Variants in LIN54 observed in about 807,000 individuals in gnomAD.
LIN54 encodes lin-54 DREAM MuvB core complex component, also known as protein lin-54 homolog.
LIN54 carries 9 observed loss-of-function variants against 78.7 expected under a neutral mutation model. That is an observed-to-expected ratio of 0.11 (90% CI 0.07 to 0.20). The LOEUF (loss-of-function observed/expected upper bound fraction) is 0.20, where lower values mean the gene tolerates loss of function less well. Ranked by LOEUF, LIN54 falls within the 10% of genes least tolerant of loss-of-function variation. LIN54 has a pLI of 1.00. For missense variants in LIN54, 573 were observed against 889.9 expected, an observed-to-expected ratio of 0.64 and a Z score of 4.53; for synonymous variants, 269 against 318.4, an observed-to-expected ratio of 0.84 and a Z score of 1.65.
At chr4:82,964,720 A>G (rs11291918) in intron 4 of LIN54, among the ~76,000 whole-genome samples, 2 of 147,938 alleles carry the variant, frequency 1.4e-5, no homozygotes, top group Non-Finnish European at 3.0e-5. Context: ...TCAAAAAAAA[A>G]GAAAAAAAAG....
intron 1 of LIN54, among the ~76,000 whole-genome samples, chr4:82,998,051 T>C (rs576295593): frequency 4.7e-4 from 64 of 135,900 alleles, no homozygotes; most frequent in African/African-American, 1.4e-3. Context: ...CACACGTATA[T>C]ATATATATAC....
At chr4:82,966,052 C>G (rs1208238513) in intron 4 of LIN54, among the ~76,000 whole-genome samples, 1 of 152,178 alleles carries the variant, frequency 6.6e-6, no homozygotes, top group Non-Finnish European at 1.5e-5. Context: ...ATCATTTACT[C>G]TCTCCCACTG....
chr4:82,964,730 GA>G (rs1232993203), intron 4 of LIN54, among the ~76,000 whole-genome samples: 1 of 151,642 alleles, frequency 6.6e-6, no homozygotes, highest in Non-Finnish European at 1.5e-5. Flanking sequence ...AGAAAAAAAA[GA>G]AAAAAATTTA....
At chr4:83,003,099 C>T (rs1382262052) in intron 1 of LIN54, among the ~76,000 whole-genome samples, 1 of 152,222 alleles carries the variant, frequency 6.6e-6, no homozygotes. Context: ...CTGCAACCTC[C>T]GCCTCCCAAG....
chr4:82,939,485 T>A, intron 7 of LIN54, 54 bp downstream of exon 7: 1 of 1,425,656 alleles, frequency 7.0e-7, no homozygotes, highest in Non-Finnish European at 9.9e-7. Context: ...GCACTAGACA[T>A]CTTGGACCCC....
chr4:82,928,503 G>A (rs1390932461), intron 12 of LIN54, among the ~76,000 whole-genome samples, 200 bp from the exon 13 acceptor site: 1 of 152,154 alleles, frequency 6.6e-6, no homozygotes, highest in Non-Finnish European at 1.5e-5. Context: ...CATATTGTAA[G>A]AATATTGTTC....
chr4:82,968,199 A>C (rs4693064), intron 4 of LIN54, among the ~76,000 whole-genome samples: 66,673 of 152,080 alleles, frequency 0.44, 17,158 homozygotes, highest in Admixed American at 0.59. Context: ...TGTGCCACCA[A>C]GCCCAGCTAA....
intron 1 of LIN54, among the ~76,000 whole-genome samples, chr4:83,009,603 A>C (rs1406423659): frequency 6.6e-6 from 1 of 152,216 alleles, no homozygotes; most frequent in Non-Finnish European, 1.5e-5. Context: ...TAACCTAATA[A>C]AACAGTGGCT....
At chr4:83,000,198 C>G (rs1728636039) in intron 1 of LIN54, among the ~76,000 whole-genome samples, 1 of 152,068 alleles carries the variant, frequency 6.6e-6, no homozygotes. Context: ...CCAGCCCAAA[C>G]AGGCTTTCAA....
chr4:82,994,573 T>A (rs1728032448), intron 1 of LIN54, among the ~76,000 whole-genome samples: 1 of 152,188 alleles, frequency 6.6e-6, no homozygotes, highest in Non-Finnish European at 1.5e-5. Flanking sequence ...AATTTTTTTG[T>A]ATTTTTAGTA....
At chr4:82,978,005 G>C (rs1334094600) in intron 3 of LIN54, among the ~76,000 whole-genome samples, 1 of 152,188 alleles carries the variant, frequency 6.6e-6, no homozygotes, top group Non-Finnish European at 1.5e-5. Flanking sequence ...GAGAGCAATA[G>C]GATGGGTCAT....
chr4:82,938,595 C>A, intron 7 of LIN54, 91 bp from the exon 8 acceptor site: 1 of 711,936 alleles, frequency 1.4e-6, no homozygotes, highest in Non-Finnish European at 2.4e-6. Flanking sequence ...CAAATTCATC[C>A]ATTAAGATAA....
At chr4:82,991,420 T>C (rs1251879282) in intron 1 of LIN54, among the ~76,000 whole-genome samples, 1 of 152,116 alleles carries the variant, frequency 6.6e-6, no homozygotes, top group Non-Finnish European at 1.5e-5. Context: ...TTAATTCTGA[T>C]AGCTTTTCAG....
chr4:82,974,205 C>T (rs1409929004), intron 3 of LIN54, among the ~76,000 whole-genome samples: 1 of 150,430 alleles, frequency 6.6e-6, no homozygotes, highest in East Asian at 2.0e-4. Flanking sequence ...GCAAAACTCC[C>T]TCTCAAAAAA....
intron 5 of LIN54, among the ~76,000 whole-genome samples, chr4:82,945,500 CT>C (rs1047013479): frequency 1.8e-4 from 27 of 146,474 alleles, no homozygotes; most frequent in South Asian, 2.2e-4. Context: ...ATTTTAATCA[CT>C]TTTTTTTTTT....
At chr4:82,966,939 T>C (rs1303249446) in intron 4 of LIN54, among the ~76,000 whole-genome samples, 1 of 150,798 alleles carries the variant, frequency 6.6e-6, no homozygotes, top group African/African-American at 2.4e-5. Context: ...GGCTATCAAC[T>C]TATTAAGATA....
Position 82,984,598 on chromosome 4 carries a change from T to C in LIN54, c.247A>G (p.Thr83Ala). The C allele has an allele frequency of 1.2e-6, 2 of 1,614,218 alleles. No homozygotes were observed. The highest frequency in any genetic ancestry group is 1.7e-6 in the Non-Finnish European group (2 of 1,180,036). Residue 83 changes from threonine to alanine, a missense_variant, in exon 2 of 13, where the codon ACT becomes GCT. Physicochemically the swap from Thr to Ala is moderately conservative, Grantham distance 58. Transcript: ENST00000340417. ...ACTGTGGTATTAGAATCTGCTTTAG[T>C]AATTGTGGTATTCACTGCAACTTGG... ...TNQVAVNTTI[T>A]KADSNTTVKP...
At chr4:82,963,761 A>G (rs1367076096) in intron 4 of LIN54, among the ~76,000 whole-genome samples, 1 of 152,182 alleles carries the variant, frequency 6.6e-6, no homozygotes, top group African/African-American at 2.4e-5. Flanking sequence ...AATTAACCAA[A>G]AAAGGGCAGG....
chr4:82,945,006 C>T (rs1723244534), intron 5 of LIN54, among the ~76,000 whole-genome samples: 1 of 152,150 alleles, frequency 6.6e-6, no homozygotes, highest in East Asian at 1.9e-4. Context: ...GGATCACAGG[C>T]ACGCGCCATC....
Sources: allele counts gnomAD v4.1 joint callset (sites outside exome capture counted in the v4.1 genomes callset), GRCh38; gene constraint gnomAD v4.1.1; transcripts MANE v1.5; gene names NCBI Gene and HGNC (gene_info 2026-07-23, HGNC 2026-07-21).